The following COX7B2 variants were observed in gnomAD, a reference collection of about 807,000 sequenced individuals.
COX7B2 encodes the protein cytochrome c oxidase subunit 7B2, mitochondrial.
For synonymous variants in COX7B2, 37 were observed against 32.1 expected, an observed-to-expected ratio of 1.15 and a Z score of -0.51; for missense variants, 109 against 95.9, an observed-to-expected ratio of 1.14 and a Z score of -0.57.
At chr4:46,810,537 G>A (rs1391198782) in intron 2 of COX7B2, among the ~76,000 whole-genome samples, 1 of 151,894 alleles carries the variant, frequency 6.6e-6, no homozygotes, top group Non-Finnish European at 1.5e-5. Context: ...ACAAAAACTC[G>A]AGACTTTAAT....
intron 2 of COX7B2, among the ~76,000 whole-genome samples, chr4:46,794,301 G>A (rs1427089497): frequency 2.0e-5 from 3 of 152,180 alleles, no homozygotes; most frequent in African/African-American, 4.8e-5. Flanking sequence ...ATTTAATGTT[G>A]CAGTTCAGGG....
At chr4:46,771,992 C>G (rs553527272) in intron 2 of COX7B2, among the ~76,000 whole-genome samples, 3 of 152,200 alleles carry the variant, frequency 2.0e-5, no homozygotes, top group Middle Eastern at 6.8e-3. Context: ...CAACCTGTAT[C>G]TCTTTCACTG....
chr4:46,865,065 T>TTGGATGGG (rs1717582568), intron 1 of COX7B2, among the ~76,000 whole-genome samples: 1 of 152,202 alleles, frequency 6.6e-6, no homozygotes, highest in Non-Finnish European at 1.5e-5. Flanking sequence ...ACCTGAGTAG[T>TTGGATGGG]ATACAGTATG....
intron 2 of COX7B2, among the ~76,000 whole-genome samples, chr4:46,818,430 G>A (rs1714005521): frequency 6.6e-6 from 1 of 151,996 alleles, no homozygotes; most frequent in Admixed American, 6.5e-5. Context: ...TCAGGAGATC[G>A]CGACCATCCT....
At position 46,761,978 on chromosome 4, in the gene COX7B2, G is replaced by A. The variant is rs79733262; in HGVS notation, c.-49-26737C>T. On this transcript the variant is annotated intron_variant, in intron 2 of 2. Transcript: ENST00000355591. The stretch of plus-strand genomic sequence containing the variant: ...CTGCAAATAAACATATGAACAGTGT[G>A]ATTGTGTGTACAGGATCTCATAAAT... 4.3e-3 allele frequency among the ~76,000 whole-genome samples: 650 copies of A among 151,392 alleles called. 3 individuals are homozygous for A. Among genetic ancestry groups the A allele is most frequent in the Non-Finnish European group, 4.8e-3 (328 of 67,888 alleles).
chr4:46,873,311 T>C (rs369579492), intron 1 of COX7B2, among the ~76,000 whole-genome samples: 26 of 152,354 alleles, frequency 1.7e-4, no homozygotes, highest in East Asian at 1.2e-3. Flanking sequence ...TATAGTAGAA[T>C]GATTTATAAT....
intron 1 of COX7B2, among the ~76,000 whole-genome samples, chr4:46,896,317 C>A (rs2109883543): frequency 6.6e-6 from 1 of 152,280 alleles, no homozygotes; most frequent in Admixed American, 6.5e-5. Context: ...TACCAACCTA[C>A]TTTTATTTCT....
At chr4:46,905,920 C>T (rs550385170) in intron 1 of COX7B2, among the ~76,000 whole-genome samples, 1 of 136,660 alleles carries the variant, frequency 7.3e-6, no homozygotes, top group African/African-American at 2.8e-5. Flanking sequence ...AGCTCCGCTT[C>T]CCGGGTTCAC....
At chr4:46,836,200 ACCTTAG>A (rs1216378070) in intron 2 of COX7B2, among the ~76,000 whole-genome samples, 3 of 151,990 alleles carry the variant, frequency 2.0e-5, no homozygotes, top group Non-Finnish European at 4.4e-5. Context: ...TCAATAATAA[ACCTTAG>A]CTTATTGCAA....
At chr4:46,782,684 C>G (rs1420033506) in intron 2 of COX7B2, among the ~76,000 whole-genome samples, 1 of 152,188 alleles carries the variant, frequency 6.6e-6, no homozygotes, top group Non-Finnish European at 1.5e-5. Context: ...TAACACTCAC[C>G]ATGAAGGTCT....
chr4:46,763,363 TTA>T (rs937346526), intron 2 of COX7B2, among the ~76,000 whole-genome samples: 1 of 150,844 alleles, frequency 6.6e-6, no homozygotes, highest in African/African-American at 2.4e-5. Flanking sequence ...TGTGTGTTCT[TTA>T]TGTTACATGG....
At chr4:46,739,825 G>A (rs1714597413) in intron 2 of COX7B2, among the ~76,000 whole-genome samples, 1 of 151,922 alleles carries the variant, frequency 6.6e-6, no homozygotes, top group Non-Finnish European at 1.5e-5. Context: ...CAACAGATGA[G>A]CCTGGAGACA....
intron 2 of COX7B2, among the ~76,000 whole-genome samples, chr4:46,774,950 A>T (rs1717072342): frequency 1.3e-5 from 2 of 152,114 alleles, no homozygotes; most frequent in Admixed American, 1.3e-4. Flanking sequence ...GCTTATACTT[A>T]CTTTAATATA....
intron 2 of COX7B2, among the ~76,000 whole-genome samples, chr4:46,816,873 T>C (rs1719584947): frequency 6.6e-6 from 1 of 152,224 alleles, no homozygotes; most frequent in Admixed American, 6.5e-5. Flanking sequence ...AGTCCTACTT[T>C]GAAGTCCTTG....
At position 46,883,715 on chromosome 4, in the gene COX7B2, G is replaced by A. The variant is rs556320114; in HGVS notation, c.-105+25445C>T. Among the ~76,000 whole-genome samples the A allele has an allele frequency of 5.9e-5, 9 of 151,864 alleles. No individual in the cohort carries two copies. The South Asian group carries it at 1.7e-3, about 28-fold the overall frequency. On this transcript the variant is annotated intron_variant, in intron 1 of 2. Coordinates refer to ENST00000355591, the MANE Select transcript of COX7B2 (RefSeq NM_130902.3). ...ATTGCACTTGCAGTGAGCCAAGATT[G>A]TGTTACTGCACTCCAGCCTGGGCGA...
intron 2 of COX7B2, among the ~76,000 whole-genome samples, chr4:46,837,306 CA>C (rs1715583274): frequency 6.6e-6 from 1 of 151,246 alleles, no homozygotes; most frequent in South Asian, 2.1e-4. Context: ...CACACACACA[CA>C]CACACACAGA....
chr4:46,812,775 G>C (rs1327383400), intron 2 of COX7B2, among the ~76,000 whole-genome samples: 3 of 152,176 alleles, frequency 2.0e-5, no homozygotes, highest in Admixed American at 6.5e-5. Flanking sequence ...TAAAGGCACT[G>C]TGTCTGTTTA....
At chr4:46,784,689 C>T (rs754121689) in intron 2 of COX7B2, among the ~76,000 whole-genome samples, 3 of 152,134 alleles carry the variant, frequency 2.0e-5, no homozygotes, top group Non-Finnish European at 2.9e-5. Flanking sequence ...CTGATAACCA[C>T]CTGAAGTAAA....
At chr4:46,880,713 T>G (rs1718661787) in intron 1 of COX7B2, among the ~76,000 whole-genome samples, 1 of 148,348 alleles carries the variant, frequency 6.7e-6, no homozygotes, top group South Asian at 2.3e-4. Context: ...TAATCTATTT[T>G]ATTCCTTTAA....
Sources: allele counts gnomAD v4.1 joint callset (sites outside exome capture counted in the v4.1 genomes callset), GRCh38; gene constraint gnomAD v4.1.1; transcripts MANE v1.5; gene names NCBI Gene and HGNC (gene_info 2026-07-23, HGNC 2026-07-21).